PCNX1: variants seen among roughly 807,000 people sequenced by gnomAD.
The protein encoded by PCNX1 is pecanex-like protein 1.
PCNX1 carries 78 observed loss-of-function variants against 242.2 expected under a neutral mutation model. The observed-to-expected ratio is 0.32, with a 90% CI of 0.27 to 0.39. PCNX1 has a LOEUF of 0.39. Ranked by LOEUF, PCNX1 falls within the 10% of genes least tolerant of loss-of-function variation. PCNX1 has a pLI of 1.00. For synonymous variants in PCNX1, 1,024 were observed against 1,032.9 expected, an observed-to-expected ratio of 0.99 and a Z score of 0.17; for missense variants, 2,581 against 2,856.5, an observed-to-expected ratio of 0.90 and a Z score of 2.20.
At chr14:71,011,640 T>C in intron 10 of PCNX1, 91 bp downstream of exon 10, 1 of 801,598 alleles carries the variant, frequency 1.2e-6, no homozygotes, top group South Asian at 1.6e-5. Flanking sequence ...GCCATAAAAA[T>C]TGATGAAGTT....
At chr14:71,037,723 CT>C (rs2060582991) in intron 19 of PCNX1, among the ~76,000 whole-genome samples, 1 of 151,972 alleles carries the variant, frequency 6.6e-6, no homozygotes, top group Admixed American at 6.6e-5. Context: ...GAAAAAACTA[CT>C]TTAAAGTTCA....
chr14:70,975,072 T>C (rs1286715450), intron 5 of PCNX1, among the ~76,000 whole-genome samples: 1 of 152,200 alleles, frequency 6.6e-6, no homozygotes, highest in Non-Finnish European at 1.5e-5. Flanking sequence ...AAGTTGGTTT[T>C]GATCATTAGC....
rs557984905 is a variant in PCNX1 at position 70,932,900 on chromosome 14, C to G, written c.154-14015C>G. 3.1e-3 allele frequency among the ~76,000 whole-genome samples: 474 copies of G among 152,270 alleles called. 4 individuals are homozygous for G. Among genetic ancestry groups the G allele is most frequent in the Non-Finnish European group, 3.1e-3 (209 of 68,022 alleles). On this transcript the variant is annotated intron_variant, in intron 1 of 35. Transcript: ENST00000304743. ...GTGCTGAGATTACAGGCTTGAGCCA[C>G]CACGCCCGGCCAAGAAGTTTTTATT...
At chr14:71,012,843 A>T in intron 10 of PCNX1, 142 bp from the exon 11 acceptor site, 1 of 607,196 alleles carries the variant, frequency 1.6e-6, no homozygotes. Flanking sequence ...AAAAAAGTGT[A>T]TGAGAGAAGA....
At chr14:71,088,037 C>T (rs1373175585) in intron 28 of PCNX1, among the ~76,000 whole-genome samples, 2 of 151,504 alleles carry the variant, frequency 1.3e-5, no homozygotes, top group East Asian at 3.9e-4. Context: ...TCAGTAATCT[C>T]AGTAAGTACT....
At position 71,066,844 on chromosome 14, in the gene PCNX1, C is replaced by T. The variant is rs571919316; in HGVS notation, c.4853-6701C>T. Reference sequence around the variant, plus strand: ...GGGCTGTTGAATTTTATTGAAGGCCCTTTCTGCATCTATTGAGATAATCAT... The same window carrying T: ...GGGCTGTTGAATTTTATTGAAGGCCTTTTCTGCATCTATTGAGATAATCAT... On this transcript the variant is annotated intron_variant, in intron 26 of 35. Coordinates refer to ENST00000304743, the MANE Select transcript of PCNX1 (RefSeq NM_014982.3). 9.2e-4 allele frequency among the ~76,000 whole-genome samples: 140 copies of T among 152,140 alleles called. 2 individuals carry two copies. The highest frequency in any genetic ancestry group is 4.4e-3 in the South Asian group (21 of 4,814).
At chr14:71,045,576 T>A (rs1443490343) in intron 20 of PCNX1, among the ~76,000 whole-genome samples, 1 of 152,186 alleles carries the variant, frequency 6.6e-6, no homozygotes, top group East Asian at 1.9e-4. Context: ...TGTCCATTAC[T>A]TCTCTTTCCT....
Position 71,026,300 on chromosome 14 carries a change from TA to T in PCNX1, c.3355+15del. 1.3e-6 allele frequency: 2 copies of T among 1,500,502 alleles called. No homozygotes were observed. The highest frequency in any genetic ancestry group is 1.8e-6 in the Non-Finnish European group (2 of 1,099,464). The allele number at this position is 1,500,502 out of a possible 1,614,324, so 92.9% of individuals were successfully genotyped here. On this transcript the variant is annotated intron_variant, in intron 14 of 35. Transcript: ENST00000304743. ...GGATTTAGTTATAGGTGAGTCATCT[TA>T]AAGTATCTCTAATCTTAAAATTAAT... is the stretch of plus-strand genomic sequence containing the variant.
chr14:70,954,596 T>C (rs750271688), intron 2 of PCNX1, among the ~76,000 whole-genome samples: 4 of 152,214 alleles, frequency 2.6e-5, no homozygotes, highest in Admixed American at 6.5e-5. Flanking sequence ...TTTATGATTT[T>C]ATAGTATTTA....
intron 1 of PCNX1, among the ~76,000 whole-genome samples, chr14:70,910,051 C>G (rs1594861943): frequency 1.1e-4 from 12 of 105,972 alleles, no homozygotes; most frequent in Non-Finnish European, 1.9e-4. Context: ...CCTCCTCCTC[C>G]TCCTCCTCCT....
chr14:70,978,628 A>G lies in PCNX1; in HGVS notation c.2291A>G (p.Glu764Gly). ...PNQVAFPEGE[E>G]QDAVSGAAQA... ...CAGGTTGCATTTCCTGAAGGGGAAG[A>G]GCAAGATGCAGTCAGTGGAGGTAAG... Residue 764 changes from glutamate to glycine, a missense_variant, in exon 6 of 36, where the codon GAG becomes GGG. Around this residue, in one of 9 missense-constraint regions of PCNX1, gnomAD observed 1,204 missense variants for 1,216.7 expected, o/e 0.99. Coordinates refer to ENST00000304743, the MANE Select transcript of PCNX1 (RefSeq NM_014982.3). The G allele has an allele frequency of 6.2e-7, 1 of 1,612,682 alleles. No homozygotes were observed. The highest frequency in any genetic ancestry group is 8.5e-7 in the Non-Finnish European group (1 of 1,179,246).
chr14:70,995,982 G>T, intron 8 of PCNX1, 57 bp downstream of exon 8: 1 of 1,254,556 alleles, frequency 8.0e-7, no homozygotes, highest in South Asian at 1.2e-5. Flanking sequence ...GCAGATGATG[G>T]GTAACAATTG....
chr14:70,981,037 G>A (rs960025015), intron 6 of PCNX1, among the ~76,000 whole-genome samples: 1 of 152,162 alleles, frequency 6.6e-6, no homozygotes, highest in Non-Finnish European at 1.5e-5. Flanking sequence ...AGGTAATCTA[G>A]TTTAGTGACA....
chr14:70,972,423 A>G (rs2058568552), intron 5 of PCNX1, among the ~76,000 whole-genome samples: 2 of 152,332 alleles, frequency 1.3e-5, no homozygotes, highest in South Asian at 4.1e-4. Context: ...AACAACAACA[A>G]AAATCAGTCA....
At chr14:71,077,787 A>G (rs2061755210) in intron 28 of PCNX1, among the ~76,000 whole-genome samples, 1 of 152,208 alleles carries the variant, frequency 6.6e-6, no homozygotes, top group Non-Finnish European at 1.5e-5. Context: ...ATACACTTAA[A>G]ATACTTCGCG....
chr14:70,996,794 T>G (rs1005274078), intron 8 of PCNX1, among the ~76,000 whole-genome samples: 1 of 152,178 alleles, frequency 6.6e-6, no homozygotes, highest in African/African-American at 2.4e-5. Flanking sequence ...AACATGATAA[T>G]CCAGTTACTG....
intron 28 of PCNX1, among the ~76,000 whole-genome samples, chr14:71,076,653 G>A (rs1383380769): frequency 6.6e-6 from 1 of 152,128 alleles, no homozygotes; most frequent in Admixed American, 6.6e-5. Flanking sequence ...CACTGTCCAG[G>A]TAGCACCTCC....
chr14:70,966,840 A>G lies in PCNX1; in HGVS notation c.469-1358A>G, dbSNP rs115270545. On this transcript the variant is annotated intron_variant, in intron 3 of 35. Coordinates refer to ENST00000304743, the MANE Select transcript of PCNX1 (RefSeq NM_014982.3). ...AGTTATATTTAATTCTAGCAGAAAA[A>G]TAGCAAATGTTAATTCTATAACTTA... Among the ~76,000 whole-genome samples the G allele has an allele frequency of 8.4e-3, 1,282 of 152,324 alleles. 8 individuals are homozygous for G. Among genetic ancestry groups the G allele is most frequent in the South Asian group, 0.017 (82 of 4,830 alleles).
chr14:71,096,670 TAGG>T (rs749857789), intron 30 of PCNX1, among the ~76,000 whole-genome samples: 61 of 152,088 alleles, frequency 4.0e-4, no homozygotes, highest in Admixed American at 7.2e-4. Flanking sequence ...AAAGAAAAAT[TAGG>T]AGAGTTGGTG....
Sources: allele counts gnomAD v4.1 joint callset (sites outside exome capture counted in the v4.1 genomes callset), GRCh38; gene constraint gnomAD v4.1.1; regional missense constraint gnomAD v4.1.1; transcripts MANE v1.5; gene names NCBI Gene and HGNC (gene_info 2026-07-23, HGNC 2026-07-21).